AGMO: variants seen among roughly 807,000 people sequenced by gnomAD.
The protein encoded by AGMO is glyceryl-ether monooxygenase.
AGMO carries 75 observed loss-of-function variants against 60.2 expected under a neutral mutation model. That is an observed-to-expected ratio of 1.25 (90% CI 1.03 to 1.51). AGMO has a LOEUF of 1.51. Ranked by LOEUF, AGMO falls within the 40% of genes most tolerant of loss-of-function variation. AGMO has a pLI of 0.00. For missense variants in AGMO, 763 were observed against 525.5 expected, an observed-to-expected ratio of 1.45 and a Z score of -4.42; for synonymous variants, 261 against 177.1, an observed-to-expected ratio of 1.47 and a Z score of -3.76.
At chr7:15,270,212 A>C (rs891823247) in intron 12 of AGMO, among the ~76,000 whole-genome samples, 7 of 151,898 alleles carry the variant, frequency 4.6e-5, no homozygotes, top group African/African-American at 1.5e-4. Flanking sequence ...AGGTTGTACT[A>C]ATTTACATTC....
chr7:15,343,574 G>C (rs1781933837), intron 12 of AGMO, among the ~76,000 whole-genome samples: 1 of 152,096 alleles, frequency 6.6e-6, no homozygotes, highest in Non-Finnish European at 1.5e-5. Context: ...AATATAATTT[G>C]AAAGATCAAA....
At chr7:15,282,242 T>C (rs1421282967) in intron 12 of AGMO, among the ~76,000 whole-genome samples, 1 of 151,762 alleles carries the variant, frequency 6.6e-6, no homozygotes, top group African/African-American at 2.4e-5. Context: ...ACCTCTACAA[T>C]ACCAGATAAA....
chr7:15,444,227 A>G (rs1323802630), intron 3 of AGMO, among the ~76,000 whole-genome samples: 1 of 152,090 alleles, frequency 6.6e-6, no homozygotes, highest in Non-Finnish European at 1.5e-5. Context: ...ACACTATTTT[A>G]TTTGCTAAAT....
intron 12 of AGMO, among the ~76,000 whole-genome samples, chr7:15,353,914 ATT>A (rs1259824747): frequency 1.3e-5 from 2 of 152,144 alleles, no homozygotes; most frequent in Non-Finnish European, 2.9e-5. Flanking sequence ...ACTATCATGT[ATT>A]ATTCTCTTAG....
chr7:15,514,755 CT>C (rs1783766329), intron 3 of AGMO, among the ~76,000 whole-genome samples: 1 of 152,164 alleles, frequency 6.6e-6, no homozygotes, highest in Non-Finnish European at 1.5e-5. Context: ...TTGAATTAAG[CT>C]TTTTATTCAG....
intron 3 of AGMO, among the ~76,000 whole-genome samples, chr7:15,441,268 T>A (rs1237285377): frequency 6.6e-6 from 1 of 152,238 alleles, no homozygotes; most frequent in African/African-American, 2.4e-5. Flanking sequence ...TTGTCATGAT[T>A]AGATAAAAAT....
the AGMO span, among the ~76,000 whole-genome samples, chr7:15,125,593 T>C: frequency 6.6e-6 from 1 of 152,110 alleles, no homozygotes; most frequent in African/African-American, 2.4e-5. Context: ...ATAGTGTTTA[T>C]GCTTACCAGG....
In AGMO at chr7:15,531,018, CTATATATTCCA is replaced by C. The variant is rs1311084666; in HGVS notation, c.409+13743_409+13753del. On this transcript the variant is annotated intron_variant, in intron 3 of 12. Coordinates refer to ENST00000342526, the MANE Select transcript of AGMO (RefSeq NM_001004320.2). ...ATATTCTATATATTCTATATATATTCTATATATTCCATATATATTCTATATATATTCTATAT... is the reference window on the plus strand; with the variant it reads ...ATATTCTATATATTCTATATATATTCTATATATTCTATATATATTCTATAT... 2.0e-4 allele frequency among the ~76,000 whole-genome samples: 14 copies of C among 70,938 alleles called. 1 individual carries two copies. The highest frequency in any genetic ancestry group is 4.5e-4 in the South Asian group (1 of 2,204). 46.5% of individuals were successfully genotyped at this position (70,938 alleles called of 152,430 possible).
rs373845365 is a variant in AGMO at position 15,432,379 on chromosome 7, T to TATATATACAC, written c.410-1272_410-1271insGTGTATATAT. 8.4e-4 allele frequency among the ~76,000 whole-genome samples: 114 copies of TATATATACAC among 136,154 alleles called. 2 individuals are homozygous for TATATATACAC. The highest frequency in any genetic ancestry group is 2.7e-3 in the African/African-American group (97 of 35,612). 89.3% of individuals were successfully genotyped at this position (136,154 alleles called of 152,430 possible). A position where few individuals can be genotyped will look rare whatever the true frequency, so the allele number is the denominator to read the frequency against. On this transcript the variant is annotated intron_variant, in intron 3 of 12. Transcript: ENST00000342526. The stretch of plus-strand genomic sequence containing the variant: ...ATATATATACACACACATATATATA[T>TATATATACAC]ACACTATCTGGGTAAATTTTGGCCA...
At chr7:15,449,258 T>C (rs1781792024) in intron 3 of AGMO, among the ~76,000 whole-genome samples, 2 of 152,124 alleles carry the variant, frequency 1.3e-5, no homozygotes, top group African/African-American at 4.8e-5. Context: ...CAGAAAGGGA[T>C]AGAGTTTCTG....
chr7:15,445,865 T>C (rs936244486), intron 3 of AGMO, among the ~76,000 whole-genome samples: 1 of 152,132 alleles, frequency 6.6e-6, no homozygotes, highest in Non-Finnish European at 1.5e-5. Context: ...TCCCTGCCTC[T>C]CTTCTGCCAC....
chr7:15,353,037 G>C lies in AGMO; in HGVS notation c.1263+12477C>G, dbSNP rs115178883. 3.2e-3 allele frequency among the ~76,000 whole-genome samples: 491 copies of C among 152,158 alleles called. 5 individuals are homozygous for C. The highest frequency in any genetic ancestry group is 0.011 in the African/African-American group (461 of 41,510). On this transcript the variant is annotated intron_variant, in intron 12 of 12. Coordinates refer to ENST00000342526, the MANE Select transcript of AGMO (RefSeq NM_001004320.2). ...GCACGGCACACTCAGACGAAAGGAG[G>C]TGAAACGCAGGCCCTTTGTTATTTC...
At chr7:15,457,336 T>C (rs1782025198) in intron 3 of AGMO, among the ~76,000 whole-genome samples, 1 of 152,174 alleles carries the variant, frequency 6.6e-6, no homozygotes, top group African/African-American at 2.4e-5. Flanking sequence ...AAAGCTATCC[T>C]GCAGTAAAGA....
intron 12 of AGMO, among the ~76,000 whole-genome samples, chr7:15,363,124 A>G (rs553039459): frequency 2.6e-5 from 4 of 152,336 alleles, no homozygotes; most frequent in South Asian, 2.1e-4. Context: ...GTTAGCTCTT[A>G]TAAAACCTAT....
chr7:15,383,577 G>C (rs530783255), intron 10 of AGMO, among the ~76,000 whole-genome samples: 105 of 151,984 alleles, frequency 6.9e-4, no homozygotes, highest in Middle Eastern at 6.8e-3. Flanking sequence ...TATTACACTG[G>C]TACCTAACTA....
At chr7:15,276,155 G>A (rs1378774706) in intron 12 of AGMO, among the ~76,000 whole-genome samples, 3 of 152,018 alleles carry the variant, frequency 2.0e-5, no homozygotes, top group African/African-American at 7.2e-5. Context: ...TGTCTTTTTT[G>A]TAATGGCAAG....
chr7:15,274,754 A>G (rs543653621), intron 12 of AGMO, among the ~76,000 whole-genome samples: 2 of 150,570 alleles, frequency 1.3e-5, no homozygotes, highest in Admixed American at 6.6e-5. Flanking sequence ...AGTTATTGGC[A>G]TATTGAGAAT....
At chr7:15,489,101 C>A (rs964853724) in intron 3 of AGMO, among the ~76,000 whole-genome samples, 1 of 152,036 alleles carries the variant, frequency 6.6e-6, no homozygotes. Context: ...AAAACATGAA[C>A]TCTTAGCTTT....
intron 4 of AGMO, among the ~76,000 whole-genome samples, chr7:15,421,167 G>T (rs929296380): frequency 6.6e-6 from 1 of 152,050 alleles, no homozygotes; most frequent in Non-Finnish European, 1.5e-5. Context: ...CTAGAAATCA[G>T]GTTGGACCAT....
Sources: gnomAD v4.1 joint callset for allele counts (sites outside exome capture counted in the v4.1 genomes callset) on GRCh38, gnomAD v4.1.1 for gene constraint, MANE v1.5 for transcripts, NCBI Gene and HGNC (gene_info 2026-07-23, HGNC 2026-07-21) for gene names.